Variants in ADAMTS19 observed in about 807,000 individuals in gnomAD.
ADAMTS19 encodes the protein A disintegrin and metalloproteinase with thrombospondin motifs 19.
A neutral mutation model predicts 153.3 loss-of-function variants in ADAMTS19; 93 were observed. The ratio of observed to expected loss-of-function variants is 0.61; its 90% CI spans 0.51 to 0.72. The LOEUF (loss-of-function observed/expected upper bound fraction) is 0.72. Among genes scored for constraint, ADAMTS19 ranks in the 30% least tolerant of loss-of-function variants. The probability of loss-of-function intolerance (pLI) is 0.00; values close to 1 mark genes in which losing one functional copy is unlikely to be tolerated. For synonymous variants in ADAMTS19, 600 were observed against 556.6 expected (o/e 1.08, Z -1.10); for missense variants, 1,482 against 1,552.1 (o/e 0.95, Z 0.76).
At chr5:129,546,652 A>G (rs1287828999) in intron 6 of ADAMTS19, among the ~76,000 whole-genome samples, 2 of 151,124 alleles carry the variant, frequency 1.3e-5, no homozygotes, top group Non-Finnish European at 2.9e-5. Context: ...TTATGAATAC[A>G]TGCAAAATAA....
chr5:129,728,086 T>C (rs1757280182), intron 21 of ADAMTS19, among the ~76,000 whole-genome samples: 1 of 152,140 alleles, frequency 6.6e-6, no homozygotes, highest in Non-Finnish European at 1.5e-5. Context: ...CTGCTCATTA[T>C]ACACTAATTA....
At chr5:129,544,385 C>T (rs539381335) in intron 6 of ADAMTS19, among the ~76,000 whole-genome samples, 1 of 152,144 alleles carries the variant, frequency 6.6e-6, no homozygotes, top group East Asian at 1.9e-4. Context: ...ATAAAAAAGG[C>T]CTATGGCTTG....
At chr5:129,536,840 A>G (rs1423529244) in intron 6 of ADAMTS19, among the ~76,000 whole-genome samples, 1 of 150,428 alleles carries the variant, frequency 6.6e-6, no homozygotes, top group Admixed American at 6.6e-5. Flanking sequence ...GTTCTCACTC[A>G]TAGGTGGGAA....
At chr5:129,650,438 A>C (rs1009042538) in intron 13 of ADAMTS19, among the ~76,000 whole-genome samples, 1 of 152,248 alleles carries the variant, frequency 6.6e-6, no homozygotes, top group Middle Eastern at 3.4e-3. Flanking sequence ...TACAAGCACT[A>C]ATGGAAACAG....
chr5:129,604,711 T>C (rs1750811178), intron 8 of ADAMTS19, among the ~76,000 whole-genome samples: 2 of 152,352 alleles, frequency 1.3e-5, no homozygotes, highest in South Asian at 4.1e-4. Context: ...AGATGCTGTA[T>C]GCATATTCAA....
intron 5 of ADAMTS19, 70 bp from the exon 6 acceptor site, chr5:129,528,450 G>T: frequency 9.3e-7 from 1 of 1,080,294 alleles, no homozygotes; most frequent in Non-Finnish European, 1.3e-6. Flanking sequence ...CTTTGTTATT[G>T]TTGTTGTTGT....
intron 21 of ADAMTS19, among the ~76,000 whole-genome samples, chr5:129,722,019 G>C (rs1757025400): frequency 6.6e-6 from 1 of 152,118 alleles, no homozygotes; most frequent in African/African-American, 2.4e-5. Context: ...CATTTGGGTT[G>C]GTTCCATGTC....
In ADAMTS19 at chr5:129,658,885, C is replaced by T. The variant is rs1753709099; in HGVS notation, c.2425+148C>T. The T allele has an allele frequency of 5.5e-6, 5 of 906,640 alleles. 1 individual carries two copies. The East Asian group carries it at 8.5e-5, about 15-fold the overall frequency. The allele number at this position is 906,640 out of a possible 1,614,324, so 56.2% of individuals were successfully genotyped here. On this transcript the variant is annotated intron_variant, in intron 15 of 22. Coordinates refer to ENST00000274487, the MANE Select transcript of ADAMTS19 (RefSeq NM_133638.6). The stretch of plus-strand genomic sequence containing the variant: ...ATTATTTTTGTGATGACATACAATA[C>T]ATGTGATATGAGCCAAAAATTCTAA...
chr5:129,511,609 A>G (rs1361295706), intron 3 of ADAMTS19, among the ~76,000 whole-genome samples: 1 of 151,438 alleles, frequency 6.6e-6, no homozygotes, highest in African/African-American at 2.4e-5. Context: ...TAAGAACTAC[A>G]ATAGACTTAG....
intron 8 of ADAMTS19, among the ~76,000 whole-genome samples, chr5:129,608,100 G>GTGTA (rs1454519250): frequency 0.022 from 1,091 of 48,552 alleles, 29 homozygotes; most frequent in African/African-American, 0.056. Context: ...ATGTGTGTGT[G>GTGTA]TGTGTGTGTG....
chr5:129,637,363 T>G (rs1282036672), intron 10 of ADAMTS19, among the ~76,000 whole-genome samples: 1 of 152,154 alleles, frequency 6.6e-6, no homozygotes, highest in Non-Finnish European at 1.5e-5. Context: ...CCTAATTTGG[T>G]CATGGATAGA....
At chr5:129,495,336 G>T (rs755240632) in intron 2 of ADAMTS19, among the ~76,000 whole-genome samples, 1 of 151,918 alleles carries the variant, frequency 6.6e-6, no homozygotes, top group Non-Finnish European at 1.5e-5. Flanking sequence ...AGAATCAAAG[G>T]AAATTGAATC....
intron 8 of ADAMTS19, among the ~76,000 whole-genome samples, chr5:129,620,141 G>A (rs1751712761): frequency 6.6e-6 from 1 of 151,746 alleles, no homozygotes; most frequent in African/African-American, 2.4e-5. Context: ...ATATGATGTG[G>A]GAGGAAGAAG....
chr5:129,662,657 G>A (rs1192080910), intron 15 of ADAMTS19, among the ~76,000 whole-genome samples: 5 of 151,960 alleles, frequency 3.3e-5, no homozygotes, highest in African/African-American at 9.7e-5. Flanking sequence ...ATATTCTGAA[G>A]TTCAACATCT....
chr5:129,530,645 T>A (rs745541405), intron 6 of ADAMTS19, among the ~76,000 whole-genome samples: 1 of 152,170 alleles, frequency 6.6e-6, no homozygotes, highest in Non-Finnish European at 1.5e-5. Flanking sequence ...CTTGAGGTAC[T>A]ATCTTAATCT....
In ADAMTS19 at chr5:129,704,312, T is replaced by G. The variant is rs1272747147; in HGVS notation, c.3233T>G (p.Leu1078Arg). 43 of 1,614,014 alleles carry G rather than the reference T, an allele frequency of 2.7e-5. No individual in the cohort carries two copies. Among genetic ancestry groups the G allele is most frequent in the Non-Finnish European group, 3.6e-5 (42 of 1,179,994 alleles). ...ACCAACCCAAGAAAGAAGTGTGTCCTCTCTACCAGACCCAGGGAGGCTGAA... is the reference window on the plus strand; with the variant it reads ...ACCAACCCAAGAAAGAAGTGTGTCCGCTCTACCAGACCCAGGGAGGCTGAA... ...RCTNPRKKCV[L>R]STRPREAEDC... Residue 1078 changes from leucine (L) to arginine (R), a missense_variant, in exon 21 of 23, where the codon CTC becomes CGC. By Grantham distance (102) the Leu-to-Arg change is moderately radical (BLOSUM62 -2). Transcript: ENST00000274487.
intron 2 of ADAMTS19, among the ~76,000 whole-genome samples, chr5:129,504,020 C>G (rs1053471540): frequency 3.9e-5 from 6 of 152,314 alleles, no homozygotes; most frequent in Admixed American, 1.3e-4. Flanking sequence ...GGACAATAGA[C>G]TTATATCCTA....
chr5:129,722,610 T>C (rs372912613), intron 21 of ADAMTS19, among the ~76,000 whole-genome samples: 4 of 152,200 alleles, frequency 2.6e-5, no homozygotes, highest in East Asian at 3.9e-4. Flanking sequence ...TTAGATCCCA[T>C]TTGTCAATTT....
chr5:129,607,484 G>A (rs1328857163), intron 8 of ADAMTS19, among the ~76,000 whole-genome samples: 1 of 152,134 alleles, frequency 6.6e-6, no homozygotes, highest in East Asian at 1.9e-4. Flanking sequence ...TCATCTTGAG[G>A]TGCAGGACAT....
Sources: allele counts gnomAD v4.1 joint callset (sites outside exome capture counted in the v4.1 genomes callset), GRCh38; gene constraint gnomAD v4.1.1; transcripts MANE v1.5; gene names NCBI Gene and HGNC (gene_info 2026-07-23, HGNC 2026-07-21).